The following NIPA2 variants were observed in gnomAD, a reference collection of about 807,000 sequenced individuals.
NIPA2 encodes the protein magnesium transporter NIPA2.
In NIPA2, 11 loss-of-function variants were observed where a neutral mutation model predicts 29.7. The ratio of observed to expected loss-of-function variants is 0.37; its 90% CI spans 0.23 to 0.61. The LOEUF (loss-of-function observed/expected upper bound fraction) is 0.61. Ranked by LOEUF, NIPA2 falls within the 20% of genes least tolerant of loss-of-function variation. NIPA2 has a pLI of 0.66. For synonymous variants in NIPA2, 183 were observed against 161.9 expected (o/e 1.13, Z -0.99); for missense variants, 426 against 437.9 (o/e 0.97, Z 0.24).
chr15:22,843,437 C>G (rs1039717653), intron 2 of NIPA2, among the ~76,000 whole-genome samples: 2 of 150,368 alleles, frequency 1.3e-5, no homozygotes, highest in African/African-American at 4.9e-5. Flanking sequence ...ACCCGGGAGG[C>G]AGAGCTTGCA....
intron 2 of NIPA2, among the ~76,000 whole-genome samples, chr15:22,840,326 C>T (rs1280685220): frequency 1.5e-5 from 2 of 132,230 alleles, no homozygotes; most frequent in African/African-American, 5.7e-5. Flanking sequence ...GAGATGGAAT[C>T]TTGCTCTGTC....
chr15:22,859,754 T>G (rs974849362), intron 6 of NIPA2, among the ~76,000 whole-genome samples: 3 of 151,290 alleles, frequency 2.0e-5, no homozygotes, highest in Admixed American at 6.6e-5. Flanking sequence ...TTTTTATCTG[T>G]TTTTTTTTCC....
rs781327953 is a variant in NIPA2 at position 22,867,375 on chromosome 15, C to CTCTT, written c.*533_*536dup. The stretch of plus-strand genomic sequence containing the variant: ...AAACTAAGTTACTGAATGAAGGAAC[C>CTCTT]TCTTTCTTACAAAACAAAAAAAAGG... On this transcript the variant is annotated 3_prime_UTR_variant, in exon 8 of 8. Transcript: ENST00000337451. The CTCTT allele has an allele frequency of 6.1e-5, 24 of 391,318 alleles. No homozygotes were observed. Among genetic ancestry groups the CTCTT allele is most frequent in the African/African-American group, 2.1e-4 (10 of 48,420 alleles). The allele number at this position is 391,318 out of a possible 1,614,324, so 24.2% of individuals were successfully genotyped here.
rs545390281 is a variant in NIPA2 at position 22,868,171 on chromosome 15, A to G, written c.*1324A>G. The stretch of plus-strand genomic sequence containing the variant: ...GCTGCGTGGAAACTCCCTTTTTTCC[A>G]ACTTTATTATTGGCCTTCTAAGGAG... On this transcript the variant is annotated 3_prime_UTR_variant, in exon 8 of 8. Coordinates refer to ENST00000337451, the MANE Select transcript of NIPA2 (RefSeq NM_030922.7). 6.2e-4 allele frequency: 95 copies of G among 152,306 alleles called. 1 individual carries two copies. The highest frequency in any genetic ancestry group is 2.1e-3 in the African/African-American group (89 of 41,556). 9.4% of individuals were successfully genotyped at this position (152,306 alleles called of 1,614,324 possible). A position where few individuals can be genotyped will look rare whatever the true frequency, so the allele number is the denominator to read the frequency against.
chr15:22,848,847 AAAAAG>A, intron 3 of NIPA2, among the ~76,000 whole-genome samples: 1 of 151,266 alleles, frequency 6.6e-6, no homozygotes, highest in East Asian at 1.9e-4. Flanking sequence ...AAAAAAAAAA[AAAAAG>A]AATTACTCCA....
In NIPA2 at chr15:22,862,043, G is replaced by GTC. The variant is rs1166686957; in HGVS notation, c.448+1260_448+1261dup. ...TGAGCCACCATGCCTCGCCTGATGG[G>GTC]TCTCTCTTTTTTTTTTTTTTTGAGA... On this transcript the variant is annotated intron_variant, in intron 7 of 7. Coordinates refer to ENST00000337451, the MANE Select transcript of NIPA2 (RefSeq NM_030922.7). 3.9e-4 allele frequency among the ~76,000 whole-genome samples: 13 copies of GTC among 33,154 alleles called. 4 individuals are homozygous for GTC. The highest frequency in any genetic ancestry group is 1.9e-3 in the South Asian group (1 of 528). The allele number at this position is 33,154 out of a possible 152,430, so 21.8% of individuals were successfully genotyped here.
At chr15:22,844,176 CT>C (rs974668234) in intron 2 of NIPA2, among the ~76,000 whole-genome samples, 1 of 152,102 alleles carries the variant, frequency 6.6e-6, no homozygotes, top group Non-Finnish European at 1.5e-5. Flanking sequence ...TCATAATTTT[CT>C]TTTATTTGAG....
intron 2 of NIPA2, among the ~76,000 whole-genome samples, chr15:22,840,470 G>A (rs1476591474): frequency 6.6e-6 from 1 of 151,790 alleles, no homozygotes; most frequent in Admixed American, 6.6e-5. Flanking sequence ...GCTAATTTTT[G>A]TATTTTTAGT....
At chr15:22,842,523 A>C (rs571281535) in intron 2 of NIPA2, among the ~76,000 whole-genome samples, 247 of 151,182 alleles carry the variant, frequency 1.6e-3, no homozygotes, top group Admixed American at 3.7e-3. Flanking sequence ...CCCCATCTCT[A>C]CTAAAAAAAA....
At chr15:22,866,116 C>G in intron 7 of NIPA2, 97 bp from the exon 8 acceptor site, 2 of 1,002,292 alleles carry the variant, frequency 2.0e-6, no homozygotes, top group East Asian at 2.5e-5. Context: ...CAGGCCATAC[C>G]TTTTCTCCCT....
At position 22,867,711 on chromosome 15, in the gene NIPA2, G is replaced by A. The variant is rs903200802; in HGVS notation, c.*864G>A. ...AATTTAGCTCATGTTATAATAAAAAGTTGAAATGAAGTTCTTATTCTAAAA... is the reference window on the plus strand; with the variant it reads ...AATTTAGCTCATGTTATAATAAAAAATTGAAATGAAGTTCTTATTCTAAAA... On this transcript the variant is annotated 3_prime_UTR_variant, in exon 8 of 8. Coordinates refer to ENST00000337451, the MANE Select transcript of NIPA2 (RefSeq NM_030922.7). 1 of 152,250 alleles carries A rather than the reference G, an allele frequency of 6.6e-6. No homozygotes were observed. Among genetic ancestry groups the A allele is most frequent in the African/African-American group, 2.4e-5 (1 of 41,414 alleles). The allele number at this position is 152,250 out of a possible 1,614,324, so 9.4% of individuals were successfully genotyped here.
intron 2 of NIPA2, among the ~76,000 whole-genome samples, chr15:22,840,386 C>T (rs576051294): frequency 2.6e-5 from 4 of 151,778 alleles, no homozygotes; most frequent in East Asian, 3.9e-4. Flanking sequence ...CAACCTCCGC[C>T]TCCTGGGTTC....
At chr15:22,865,291 CCTGA>C (rs1365846691) in intron 7 of NIPA2, among the ~76,000 whole-genome samples, 2 of 151,944 alleles carry the variant, frequency 1.3e-5, no homozygotes, top group Non-Finnish European at 2.9e-5. Flanking sequence ...TGGAGACCAT[CCTGA>C]CTAACATGGT....
At chr15:22,853,773 C>G (rs1412070031) in intron 5 of NIPA2, among the ~76,000 whole-genome samples, 1 of 152,126 alleles carries the variant, frequency 6.6e-6, no homozygotes, top group Non-Finnish European at 1.5e-5. Flanking sequence ...ATTATGGTAT[C>G]CATGGGTTAT....
intron 2 of NIPA2, among the ~76,000 whole-genome samples, chr15:22,841,509 A>C (rs567817810): frequency 6.6e-6 from 1 of 151,620 alleles, no homozygotes; most frequent in Admixed American, 6.6e-5. Context: ...TCTGACACTC[A>C]CCTTTTTTTT....
At chr15:22,853,178 C>T (rs928150661) in intron 4 of NIPA2, 34 bp from the exon 5 acceptor site, 3 of 1,448,236 alleles carry the variant, frequency 2.1e-6, no homozygotes, top group African/African-American at 2.8e-5. Flanking sequence ...GTCTTACAGT[C>T]TTCCAAAGAT....
At position 22,866,323 on chromosome 15, in the gene NIPA2, G is replaced by GTAA; in HGVS notation, c.561_563dup (p.Ile188dup). On this transcript the variant is annotated inframe_insertion, in exon 8 of 8. Coordinates refer to ENST00000337451, the MANE Select transcript of NIPA2 (RefSeq NM_030922.7). ...TCTTGTGTACATAACAATCTGCTCT[G>GTAA]TAATCGGCGCGTTTTCAGTCTCCTG... The GTAA allele has an allele frequency of 6.2e-7, 1 of 1,614,040 alleles. No homozygotes were observed. The highest frequency in any genetic ancestry group is 8.5e-7 in the Non-Finnish European group (1 of 1,179,970).
intron 2 of NIPA2, among the ~76,000 whole-genome samples, chr15:22,844,758 CACAACAACA>C (rs200008818): frequency 6.6e-6 from 1 of 151,796 alleles, no homozygotes; most frequent in Non-Finnish European, 1.5e-5. Context: ...TGTCAAAAAC[CACAACAACA>C]ACAACAACAA....
At chr15:22,839,967 C>T (rs1215520392) in intron 2 of NIPA2, among the ~76,000 whole-genome samples, 177 bp downstream of exon 2, 1 of 152,028 alleles carries the variant, frequency 6.6e-6, no homozygotes, top group African/African-American at 2.4e-5. Context: ...TTGCTCTGTC[C>T]CCAGGCTAGA....
Sources: allele counts gnomAD v4.1 joint callset (sites outside exome capture counted in the v4.1 genomes callset), GRCh38; gene constraint gnomAD v4.1.1; transcripts MANE v1.5; gene names NCBI Gene and HGNC (gene_info 2026-07-23, HGNC 2026-07-21).